EHD2: variants seen among roughly 807,000 people sequenced by gnomAD.
EHD2 encodes the protein EH domain-containing protein 2.
In EHD2, 27 loss-of-function variants were observed where a neutral mutation model predicts 41.0. The ratio of observed to expected loss-of-function variants is 0.66; its 90% CI spans 0.49 to 0.91. The LOEUF (loss-of-function observed/expected upper bound fraction) is 0.91, where lower values mean the gene tolerates loss of function less well. EHD2 is among the 40% of genes least tolerant of loss of function. The pLI, the probability that EHD2 is intolerant of heterozygous loss-of-function variation, is 0.00. For missense variants in EHD2, 673 were observed against 773.9 expected, an observed-to-expected ratio of 0.87 and a Z score of 1.55; for synonymous variants, 342 against 341.0, an observed-to-expected ratio of 1.00 and a Z score of -0.03.
Position 47,726,045 on chromosome 19 carries a change from AC to A in EHD2, c.737del (p.Thr246SerfsTer53). On this transcript the variant is annotated frameshift_variant, in exon 4 of 6. Transcript: ENST00000263277. LOFTEE classifies it high-confidence loss of function. ...LMWALGKVVG[T>X]PEVLRVYIGS... ...GTGGGCGCTGGGCAAGGTGGTGGGC[AC>A]GCCCGAGGTGCTGCGCGTCTACATC... is the stretch of plus-strand genomic sequence containing the variant. 6.3e-7 allele frequency: 1 copy of A among 1,591,388 alleles called. No individual in the cohort carries two copies. Among genetic ancestry groups the A allele is most frequent in the Non-Finnish European group, 8.6e-7 (1 of 1,168,732 alleles).
chr19:47,725,424 C>T (rs1385437178), intron 3 of EHD2, among the ~76,000 whole-genome samples: 1 of 132,268 alleles, frequency 7.6e-6, no homozygotes. Context: ...AAAAAATTAG[C>T]CAGGTGTGGT....
intron 5 of EHD2, among the ~76,000 whole-genome samples, chr19:47,737,071 A>T (rs1348539553): frequency 6.6e-6 from 1 of 152,002 alleles, no homozygotes; most frequent in Admixed American, 6.6e-5. Flanking sequence ...CTCTACTAAA[A>T]ATACAAAAAA....
At chr19:47,720,019 G>T (rs1475295606) in intron 3 of EHD2, among the ~76,000 whole-genome samples, 1 of 151,090 alleles carries the variant, frequency 6.6e-6, no homozygotes, top group Non-Finnish European at 1.5e-5. Flanking sequence ...GTACTCCTGG[G>T]TGTGGTGGTT....
At chr19:47,737,101 G>A (rs977336403) in intron 5 of EHD2, among the ~76,000 whole-genome samples, 3 of 151,914 alleles carry the variant, frequency 2.0e-5, no homozygotes, top group Non-Finnish European at 2.9e-5. Context: ...TGTGGTGGTG[G>A]GCGCCTGTAG....
chr19:47,728,035 G>A (rs1347281993), intron 4 of EHD2, among the ~76,000 whole-genome samples: 1 of 147,986 alleles, frequency 6.8e-6, no homozygotes, highest in Non-Finnish European at 1.5e-5. Context: ...GGCAGAGGTT[G>A]CAGTGAGCTG....
At chr19:47,731,785 A>ATT (rs35766063) in intron 4 of EHD2, among the ~76,000 whole-genome samples, 2,183 of 112,792 alleles carry the variant, frequency 0.019, 148 homozygotes, top group East Asian at 0.13. Flanking sequence ...GATATACTGC[A>ATT]TTTTTTTTTT....
chr19:47,735,624 C>T (rs1966913627), intron 4 of EHD2, among the ~76,000 whole-genome samples: 1 of 151,864 alleles, frequency 6.6e-6, no homozygotes, highest in Non-Finnish European at 1.5e-5. Flanking sequence ...AAAAGCAGGC[C>T]AGGCGCGGTG....
chr19:47,741,148 A>G lies in EHD2; in HGVS notation c.1348A>G (p.Lys450Glu). Residue 450 changes from lysine (K) to glutamate (E), a missense_variant, in exon 6 of 6, where the codon AAG (lysine) becomes GAG (glutamate). Lys to Glu is a moderately conservative substitution (Grantham distance 56). Coordinates refer to ENST00000263277, the MANE Select transcript of EHD2 (RefSeq NM_014601.4). This position sits in a 1 kb window ranked among gnomAD's most constrained non-coding sequence, Gnocchi z 4.5. ...DEAEWVVTKD[K>E]SKYDEIFYNL... is the part of the protein sequence containing the mutation. The stretch of plus-strand genomic sequence containing the variant: ...GGCCGAGTGGGTGGTGACCAAGGAC[A>G]AGTCCAAATACGACGAGATCTTCTA... 1 of 1,612,702 alleles carries G rather than the reference A, an allele frequency of 6.2e-7. No homozygotes were observed. Among genetic ancestry groups the G allele is most frequent in the Non-Finnish European group, 8.5e-7 (1 of 1,179,984 alleles).
intron 3 of EHD2, among the ~76,000 whole-genome samples, chr19:47,720,972 G>C (rs923519806): frequency 8.6e-5 from 13 of 152,046 alleles, no homozygotes; most frequent in Admixed American, 8.5e-4. Context: ...GTGTGGGTGT[G>C]CATGCATGTG....
Position 47,716,726 on chromosome 19 carries a change from G to A in EHD2, c.114G>A (p.Glu38=). The change falls in exon 2 of 6, where the codon GAG becomes GAA. Residue 38 remains glutamate (E), a synonymous_variant. Coordinates refer to ENST00000263277, the MANE Select transcript of EHD2 (RefSeq NM_014601.4). ...LYRTKLLPLE[E]HYRFGAFHSP... ...GCACGAAGCTGCTGCCGCTGGAGGA[G>A]CACTACCGCTTTGGGGCCTTCCACT... 2 of 1,613,354 alleles carry A rather than the reference G, an allele frequency of 1.2e-6. No individual in the cohort carries two copies. Among genetic ancestry groups the A allele is most frequent in the African/African-American group, 1.3e-5 (1 of 75,060 alleles).
At chr19:47,718,628 G>A (rs1599886841) in intron 3 of EHD2, 22 bp downstream of exon 3, 1 of 1,550,262 alleles carries the variant, frequency 6.5e-7, no homozygotes, top group Non-Finnish European at 8.7e-7. Flanking sequence ...CAGACCCTGG[G>A]GTCTGAGGGA....
intron 2 of EHD2, 85 bp from the exon 3 acceptor site, chr19:47,718,424 G>T: frequency 8.2e-7 from 1 of 1,221,798 alleles, no homozygotes; most frequent in Non-Finnish European, 1.2e-6. Context: ...TTGCCATGCG[G>T]TCCCGAGTCC....
chr19:47,734,911 G>A (rs1323429925), intron 4 of EHD2, among the ~76,000 whole-genome samples: 2 of 151,170 alleles, frequency 1.3e-5, no homozygotes, highest in African/African-American at 4.9e-5. Flanking sequence ...AAATTGACCA[G>A]GCATGGTGGC....
chr19:47,729,676 G>A (rs1456996476), intron 4 of EHD2: 1 of 152,724 alleles, frequency 6.5e-6, no homozygotes, highest in Non-Finnish European at 1.5e-5. Flanking sequence ...GGAGCAGCGA[G>A]AGTGGGTGAG....
At chr19:47,732,594 A>T (rs891646751) in intron 4 of EHD2, among the ~76,000 whole-genome samples, 19 of 143,696 alleles carry the variant, frequency 1.3e-4, no homozygotes, top group African/African-American at 4.9e-4. Context: ...TAGTTTTAAA[A>T]TTTTTTTTTA....
In EHD2 at chr19:47,740,946, G is replaced by A; in HGVS notation, c.1146G>A (p.Leu382=). 6.2e-7 allele frequency: 1 copy of A among 1,612,952 alleles called. No individual in the cohort carries two copies. Among genetic ancestry groups the A allele is most frequent in the Non-Finnish European group, 8.5e-7 (1 of 1,179,858 alleles). The change falls in exon 6 of 6, where the codon CTG becomes CTA. Residue 382 remains leucine, a synonymous_variant. Transcript: ENST00000263277. The part of the protein sequence containing the change: ...HSLKPKLLEA[L]DEMLTHDIAK... ...TGAAGCCGAAGCTGCTAGAGGCACT[G>A]GACGAGATGCTGACGCACGACATCG...
At position 47,740,906 on chromosome 19, in the gene EHD2, C is replaced by T; in HGVS notation, c.1106C>T (p.Thr369Ile). ...MQELLMAHDF[T>I]KFHSLKPKLL... ...GAGCTGCTGATGGCGCACGACTTCA[C>T]CAAGTTTCACTCGCTGAAGCCGAAG... The change falls in exon 6 of 6, where the codon ACC becomes ATC. Residue 369 changes from threonine (T) to isoleucine (I), a missense_variant. Thr to Ile is a moderately conservative substitution (Grantham distance 89). Transcript: ENST00000263277. 6.2e-7 allele frequency: 1 copy of T among 1,613,346 alleles called. No homozygotes were observed. The highest frequency in any genetic ancestry group is 8.5e-7 in the Non-Finnish European group (1 of 1,179,910).
intron 2 of EHD2, among the ~76,000 whole-genome samples, chr19:47,718,120 A>G (rs1217129162): frequency 1.3e-5 from 2 of 150,450 alleles, no homozygotes; most frequent in East Asian, 3.9e-4. Flanking sequence ...TAAAAATACA[A>G]AAATTAGCTG....
At chr19:47,732,825 T>C (rs1378722810) in intron 4 of EHD2, among the ~76,000 whole-genome samples, 4 of 152,158 alleles carry the variant, frequency 2.6e-5, no homozygotes, top group Admixed American at 2.0e-4. Flanking sequence ...GGCTCACACC[T>C]GTAATCCCAG....
Sources: gnomAD v4.1 joint callset for allele counts (sites outside exome capture counted in the v4.1 genomes callset) on GRCh38, gnomAD v4.1.1 for gene constraint, Gnocchi (gnomAD v3.1) non-coding constraint, MANE v1.5 for transcripts, NCBI Gene and HGNC (gene_info 2026-07-23, HGNC 2026-07-21) for gene names.